Variants in CLEC7A observed in about 807,000 individuals in gnomAD.
CLEC7A encodes the protein C-type lectin domain containing 7A.
In CLEC7A, 25 loss-of-function variants were observed where a neutral mutation model predicts 26.9. That is an observed-to-expected ratio of 0.93 (90% CI 0.68 to 1.30). CLEC7A has a LOEUF of 1.30. CLEC7A is among the 50% of genes most tolerant of loss of function. CLEC7A has a pLI of 0.00. For synonymous variants in CLEC7A, 100 were observed against 99.5 expected (o/e 1.01, Z -0.03); for missense variants, 275 against 286.7 (o/e 0.96, Z 0.29).
At chr12:10,121,613 G>A (rs1948088867) in intron 5 of CLEC7A, among the ~76,000 whole-genome samples, 2 of 152,000 alleles carry the variant, frequency 1.3e-5, no homozygotes, top group Admixed American at 1.3e-4. Context: ...ATAACTCCTG[G>A]GTCAAAGAGC....
At chr12:10,120,762 T>TC (rs1591943700) in intron 5 of CLEC7A, among the ~76,000 whole-genome samples, 2 of 150,168 alleles carry the variant, frequency 1.3e-5, no homozygotes, top group African/African-American at 4.9e-5. Context: ...TTTTTCTTTT[T>TC]TTTTTTTTTT....
In CLEC7A at chr12:10,118,055, T is replaced by C. The variant is rs1030081011; in HGVS notation, c.*403A>G. On this transcript the variant is annotated 3_prime_UTR_variant, in exon 6 of 6. Transcript: ENST00000304084. ...AGTCTCTACAAAAAACACCAAAAAT[T>C]AGCCTGGCATGGTGGCATGCACCTG... The C allele has an allele frequency of 6.0e-6, 1 of 167,990 alleles. No individual in the cohort carries two copies. Among genetic ancestry groups the C allele is most frequent in the Non-Finnish European group, 1.3e-5 (1 of 78,850 alleles). 10.4% of individuals were successfully genotyped at this position (167,990 alleles called of 1,614,324 possible). A position where few individuals can be genotyped will look rare whatever the true frequency, so the allele number is the denominator to read the frequency against.
In CLEC7A at chr12:10,118,438, C is replaced by T. The variant is rs1235740686; in HGVS notation, c.*20G>A. On this transcript the variant is annotated 3_prime_UTR_variant, in exon 6 of 6. Coordinates refer to ENST00000304084, the MANE Select transcript of CLEC7A (RefSeq NM_197947.3). ...TCCTTACTACCTCACATATTTCTCT[C>T]TCCTTCTCCACCCTTCCTCTTACAT... The T allele has an allele frequency of 1.3e-6, 2 of 1,598,046 alleles. No homozygotes were observed. The highest frequency in any genetic ancestry group is 1.7e-6 in the Non-Finnish European group (2 of 1,166,396).
chr12:10,125,850 C>T (rs78140970), intron 3 of CLEC7A, among the ~76,000 whole-genome samples: 3,821 of 152,216 alleles, frequency 0.025, 157 homozygotes, highest in African/African-American at 0.087. Flanking sequence ...CATAATGTGA[C>T]TTTCCAAGTG....
chr12:10,120,543 A>G (rs142296769), intron 5 of CLEC7A, among the ~76,000 whole-genome samples: 2 of 152,084 alleles, frequency 1.3e-5, no homozygotes, highest in African/African-American at 2.4e-5. Flanking sequence ...AATTGAAATG[A>G]ATACTAACTG....
chr12:10,126,747 G>A lies in CLEC7A; in HGVS notation c.203-39C>T, dbSNP rs761006669. 14 of 1,529,292 alleles carry A rather than the reference G, an allele frequency of 9.2e-6. No individual in the cohort carries two copies. In the East Asian group the frequency reaches 3.2e-4, roughly 35 times the overall value. The allele number at this position is 1,529,292 out of a possible 1,614,324, so 94.7% of individuals were successfully genotyped here. A position where few individuals can be genotyped will look rare whatever the true frequency, so the allele number is the denominator to read the frequency against. ...CAATAATAATAGTGACAGAAAAAATGTCATTCTGCTGTGTTTGAAAATTAA... is the reference window on the plus strand; with the variant it reads ...CAATAATAATAGTGACAGAAAAAATATCATTCTGCTGTGTTTGAAAATTAA... On this transcript the variant is annotated intron_variant, in intron 2 of 5. Coordinates refer to ENST00000304084, the MANE Select transcript of CLEC7A (RefSeq NM_197947.3).
In CLEC7A at chr12:10,125,262, C is replaced by A. The variant is rs369873648; in HGVS notation, c.492+35G>T. 1.1e-5 allele frequency: 17 copies of A among 1,588,238 alleles called. No individual in the cohort carries two copies. The African/African-American group carries it at 2.3e-4, about 21-fold the overall frequency. On this transcript the variant is annotated intron_variant, in intron 4 of 5. Transcript: ENST00000304084. ...TCCCTCTATCTTCCTTCAGGATACA[C>A]ACCACAGATAATCATAACAGAAGTC... is the stretch of plus-strand genomic sequence containing the variant.
Position 10,129,982 on chromosome 12 carries a change from T to G in CLEC7A, c.101A>C (p.Lys34Thr). ...CATTAGAAAAAACATATATATACCT[T>G]TCTCTGAAACAACAGCTATCCTGGT... The part of the protein sequence containing the change: ...SNTRIAVVSE[K>T]GSCAASPPWR... Residue 34 changes from lysine to threonine, a missense_variant and splice_region_variant, in exon 1 of 6, where the codon AAA becomes ACA. Transcript: ENST00000304084. 2 of 1,574,218 alleles carry G rather than the reference T, an allele frequency of 1.3e-6. No homozygotes were observed. The highest frequency in any genetic ancestry group is 1.7e-6 in the Non-Finnish European group (2 of 1,143,960).
At chr12:10,125,072 A>T (rs909388539) in intron 4 of CLEC7A, 1 of 588,558 alleles carries the variant, frequency 1.7e-6, no homozygotes, top group East Asian at 3.2e-5. Flanking sequence ...GTGGTGGTGC[A>T]CCCTGTAGTC....
chr12:10,125,354 T>C lies in CLEC7A; in HGVS notation c.435A>G (p.Lys145=). 1.9e-6 allele frequency: 3 copies of C among 1,613,782 alleles called. No individual in the cohort carries two copies. The highest frequency in any genetic ancestry group is 1.7e-6 in the Non-Finnish European group (2 of 1,179,912). The change falls in exon 4 of 6, where the codon AAA becomes AAG. Residue 145 remains lysine (K), a synonymous_variant. Coordinates refer to ENST00000304084, the MANE Select transcript of CLEC7A (RefSeq NM_197947.3). ...SMSLNSWDGS[K]RQCWQLGSNL... ...TAGAGCCCAGTTGCCAGCATTGTCT[T>C]TTACTTCCATCCCAGGAATTTAGTG...
chr12:10,126,243 G>T (rs888933480), intron 3 of CLEC7A: 4 of 979,784 alleles, frequency 4.1e-6, no homozygotes, highest in Non-Finnish European at 4.8e-6. Context: ...AATTCTGTAA[G>T]GGGAGAGAAC....
chr12:10,125,293 T>C lies in CLEC7A; in HGVS notation c.492+4A>G, dbSNP rs964865505. On this transcript the variant is annotated splice_donor_region_variant and intron_variant, in intron 4 of 5. Transcript: ENST00000304084. ...AGATAATCATAACAGAAGTCTACAC[T>C]TACCAATTCATTTGAGCTGTCTATC... 1.6e-5 allele frequency: 26 copies of C among 1,612,714 alleles called. No individual in the cohort carries two copies. In the East Asian group the frequency reaches 5.8e-4, roughly 36 times the overall value.
At chr12:10,123,869 TTAAAG>T (rs902638060) in intron 4 of CLEC7A, among the ~76,000 whole-genome samples, 6 of 152,332 alleles carry the variant, frequency 3.9e-5, no homozygotes, top group African/African-American at 1.4e-4. Flanking sequence ...TCTTATTTAT[TTAAAG>T]TAATTATCAT....
chr12:10,119,364 C>T (rs1337786003), intron 5 of CLEC7A, among the ~76,000 whole-genome samples: 1 of 152,214 alleles, frequency 6.6e-6, no homozygotes. Flanking sequence ...TAGATTCAGA[C>T]CTCAGGGAGA....
intron 5 of CLEC7A, among the ~76,000 whole-genome samples, chr12:10,121,984 T>C (rs7971973): frequency 0.79 from 120,597 of 152,030 alleles, 49,005 homozygotes; most frequent in Middle Eastern, 0.87. Flanking sequence ...CCAGCCTGGG[T>C]GACAGAGTGA....
chr12:10,117,133 C>T lies in CLEC7A; in HGVS notation c.*1325G>A, dbSNP rs1388476587. On this transcript the variant is annotated 3_prime_UTR_variant, in exon 6 of 6. Coordinates refer to ENST00000304084, the MANE Select transcript of CLEC7A (RefSeq NM_197947.3). ...ATACTTGTTCCAATGAGGTTGGTTA[C>T]TTTTTTATATTCATCATCAGATTTT... 1 of 152,090 alleles carries T rather than the reference C, an allele frequency of 6.6e-6. No homozygotes were observed. Among genetic ancestry groups the T allele is most frequent in the African/African-American group, 2.4e-5 (1 of 41,414 alleles). 9.4% of individuals were successfully genotyped at this position (152,090 alleles called of 1,614,324 possible). A position where few individuals can be genotyped will look rare whatever the true frequency, so the allele number is the denominator to read the frequency against.
In CLEC7A at chr12:10,116,820, A is replaced by C. The variant is rs1947929213; in HGVS notation, c.*1638T>G. On this transcript the variant is annotated 3_prime_UTR_variant, in exon 6 of 6. Coordinates refer to ENST00000304084, the MANE Select transcript of CLEC7A (RefSeq NM_197947.3). The stretch of plus-strand genomic sequence containing the variant: ...TTTTTATTGAAATGAAATCCACATA[A>C]CATAAAATCATCCATTTTAAACTGC... The C allele has an allele frequency of 6.6e-6, 1 of 152,196 alleles. No individual in the cohort carries two copies. 9.4% of individuals were successfully genotyped at this position (152,196 alleles called of 1,614,324 possible).
intron 1 of CLEC7A, among the ~76,000 whole-genome samples, chr12:10,129,165 T>C (rs919240104): frequency 6.6e-6 from 1 of 152,222 alleles, no homozygotes; most frequent in African/African-American, 2.4e-5. Flanking sequence ...TTATCTACCA[T>C]ATGTTCATAT....
intron 4 of CLEC7A, 58 bp from the exon 5 acceptor site, chr12:10,123,421 T>A: frequency 1.0e-6 from 1 of 1,001,664 alleles, no homozygotes; most frequent in Non-Finnish European, 1.6e-6. Flanking sequence ...AGAAAGAAAC[T>A]ATTATCATGG....
Sources: gnomAD v4.1 joint callset for allele counts (sites outside exome capture counted in the v4.1 genomes callset) on GRCh38, gnomAD v4.1.1 for gene constraint, MANE v1.5 for transcripts, NCBI Gene and HGNC (gene_info 2026-07-23, HGNC 2026-07-21) for gene names.